The following CES5A variants were observed in gnomAD, a reference collection of about 807,000 sequenced individuals.
CES5A encodes carboxylesterase 5.
A neutral mutation model predicts 62.9 loss-of-function variants in CES5A; 67 were observed. The ratio of observed to expected loss-of-function variants is 1.07; its 90% CI spans 0.88 to 1.31. The LOEUF (loss-of-function observed/expected upper bound fraction) is 1.31. Among genes scored for constraint, CES5A ranks in the 50% most tolerant of loss-of-function variants. The pLI, the probability that CES5A is intolerant of heterozygous loss-of-function variation, is 0.00. For synonymous variants in CES5A, 296 were observed against 280.8 expected (o/e 1.05, Z -0.54); for missense variants, 748 against 708.5 (o/e 1.06, Z -0.63).
intron 2 of CES5A, 112 bp downstream of exon 2, chr16:55,873,721 T>C: frequency 6.1e-6 from 6 of 987,340 alleles, no homozygotes; most frequent in Non-Finnish European, 9.1e-6. Flanking sequence ...GCCCTCTCTC[T>C]CCCTCCTCCC....
At chr16:55,883,454 T>TA (rs1714754356) in intron 1 of CES5A, among the ~76,000 whole-genome samples, 1 of 152,024 alleles carries the variant, frequency 6.6e-6, no homozygotes. Flanking sequence ...GTATTTTTTT[T>TA]AACAGAGACA....
intron 1 of CES5A, among the ~76,000 whole-genome samples, chr16:55,904,333 C>T (rs1393513553): frequency 6.6e-6 from 1 of 152,160 alleles, no homozygotes; most frequent in Non-Finnish European, 1.5e-5. Flanking sequence ...TTTCTACCTG[C>T]CCCTGTCAGG....
At chr16:55,946,685 G>A (rs1173950680) in intron 2 of CES5A, among the ~76,000 whole-genome samples, 3 of 152,192 alleles carry the variant, frequency 2.0e-5, no homozygotes, top group Non-Finnish European at 2.9e-5. Context: ...CCATAAGAAT[G>A]CCACATAACA....
intron 1 of CES5A, among the ~76,000 whole-genome samples, chr16:55,903,890 A>AG (rs1205826797): frequency 6.6e-6 from 1 of 152,214 alleles, no homozygotes; most frequent in African/African-American, 2.4e-5. Flanking sequence ...CTGTGTTGTA[A>AG]GGGGGGAAAA....
intron 1 of CES5A, among the ~76,000 whole-genome samples, chr16:55,905,775 G>A (rs545128230): frequency 3.9e-5 from 6 of 152,156 alleles, no homozygotes; most frequent in Admixed American, 6.5e-5. Flanking sequence ...ATAAAGTTGG[G>A]CCTTAGCATC....
chr16:55,925,065 A>G (rs1278400690), intron 1 of CES5A, among the ~76,000 whole-genome samples: 1 of 152,082 alleles, frequency 6.6e-6, no homozygotes, highest in Non-Finnish European at 1.5e-5. Context: ...GAAATGATCA[A>G]CAAAGTGAAG....
At chr16:55,955,805 G>A (rs1388111657) in intron 1 of CES5A, 5 of 1,532,554 alleles carry the variant, frequency 3.3e-6, no homozygotes, top group Non-Finnish European at 4.4e-6. Context: ...GGGTTTGGGG[G>A]TGGGGTCCAG....
At chr16:55,860,165 CCCA>C (rs1475824072) in intron 7 of CES5A, among the ~76,000 whole-genome samples, 1 of 151,210 alleles carries the variant, frequency 6.6e-6, no homozygotes, top group African/African-American at 2.4e-5. Context: ...TTTTTTTTTG[CCCA>C]CCACCATGTA....
In CES5A at chr16:55,907,891, T is replaced by C. The variant is rs1484897123; in HGVS notation, c.-256+17432A>G. On this transcript the variant is annotated intron_variant, in intron 1 of 12. Coordinates refer to the CES5A transcript ENST00000518005. ...TCTCCAGGGCTCCTGGGAATTGAGA[T>C]GCATGGCAGGTCTGCTCCACAGGAA... Among the ~76,000 whole-genome samples the C allele has an allele frequency of 2.0e-5, 3 of 152,172 alleles. No individual in the cohort carries two copies. In the East Asian group the frequency reaches 5.8e-4, roughly 29 times the overall value.
intron 1 of CES5A, among the ~76,000 whole-genome samples, chr16:55,914,363 C>A (rs568442836): frequency 2.0e-5 from 3 of 152,036 alleles, no homozygotes; most frequent in Non-Finnish European, 2.9e-5. Flanking sequence ...GTTGGCCTGG[C>A]AAATGATGTG....
chr16:55,885,426 TA>T, intron 1 of CES5A, among the ~76,000 whole-genome samples: 1 of 152,300 alleles, frequency 6.6e-6, no homozygotes, highest in East Asian at 1.9e-4. Context: ...GCAAAGATTT[TA>T]TTAGGGGAGA....
intron 1 of CES5A, among the ~76,000 whole-genome samples, chr16:55,955,173 C>T (rs1260805949): frequency 2.0e-5 from 3 of 152,120 alleles, no homozygotes; most frequent in South Asian, 2.1e-4. Context: ...ACATGAGAAC[C>T]GCAAGAGGCT....
At chr16:55,853,679 C>T (rs1369075020) in intron 9 of CES5A, among the ~76,000 whole-genome samples, 1 of 152,278 alleles carries the variant, frequency 6.6e-6, no homozygotes, top group African/African-American at 2.4e-5. Context: ...CCTGTTGTTT[C>T]CCCTGGGCCC....
intron 1 of CES5A, among the ~76,000 whole-genome samples, chr16:55,911,123 A>T (rs919652496): frequency 2.6e-5 from 4 of 152,128 alleles, no homozygotes; most frequent in African/African-American, 7.2e-5. Flanking sequence ...CATGAACTGT[A>T]CTAAGACAAG....
At chr16:55,857,274 T>C (rs1450220260) in intron 8 of CES5A, among the ~76,000 whole-genome samples, 1 of 152,200 alleles carries the variant, frequency 6.6e-6, no homozygotes, top group Non-Finnish European at 1.5e-5. Context: ...AGGGTGGTGA[T>C]GAGAACTGAG....
upstream of CES5A, chr16:55,875,502 G>T: frequency 1.8e-5 from 11 of 627,348 alleles, no homozygotes; most frequent in Non-Finnish European, 2.7e-5. Context: ...AAACAGAAAA[G>T]ACATTCCAGA....
chr16:55,930,378 C>T (rs990175337), upstream of CES5A, among the ~76,000 whole-genome samples: 1 of 152,184 alleles, frequency 6.6e-6, no homozygotes, highest in Non-Finnish European at 1.5e-5. Context: ...GTTCCCTCTG[C>T]CTGGTACTTG....
chr16:55,903,480 G>C (rs1470982444), intron 1 of CES5A, among the ~76,000 whole-genome samples: 1 of 152,184 alleles, frequency 6.6e-6, no homozygotes, highest in African/African-American at 2.4e-5. Flanking sequence ...GAGTATTTTT[G>C]AGTGAGGAGA....
intron 3 of CES5A, 84 bp downstream of exon 3, chr16:55,871,541 A>G (rs2033584979): frequency 2.6e-6 from 4 of 1,510,412 alleles, no homozygotes; most frequent in Non-Finnish European, 3.6e-6. Flanking sequence ...GGTAGTTCCA[A>G]TTCCAGACAT....
Sources: gnomAD v4.1 joint callset for allele counts (sites outside exome capture counted in the v4.1 genomes callset) on GRCh38, gnomAD v4.1.1 for gene constraint, MANE v1.5 for transcripts, NCBI Gene and HGNC (gene_info 2026-07-23, HGNC 2026-07-21) for gene names.